The following NALCN variants were observed in gnomAD, a reference collection of about 807,000 sequenced individuals.
NALCN encodes sodium leak channel NALCN.
NALCN carries 111 observed loss-of-function variants against 225.3 expected under a neutral mutation model. The observed-to-expected ratio is 0.49, with a 90% confidence interval of 0.42 to 0.58. The LOEUF is 0.58. NALCN is among the 20% of genes least tolerant of loss of function. The pLI is 0.00. For synonymous variants in NALCN, 764 were observed against 769.0 expected (o/e 0.99, Z 0.11); for missense variants, 1,378 against 2,202.4 (o/e 0.63, Z 7.49).
At chr13:101,350,667 T>C (rs928045580) in intron 6 of NALCN, among the ~76,000 whole-genome samples, 6 of 152,212 alleles carry the variant, frequency 3.9e-5, no homozygotes, top group African/African-American at 1.4e-4. Context: ...TGCCTGGCTG[T>C]TTGGTTGAAC....
intron 22 of NALCN, 46 bp downstream of exon 22, chr13:101,107,441 T>A (rs771366001): frequency 6.2e-7 from 1 of 1,612,520 alleles, no homozygotes; most frequent in Non-Finnish European, 8.5e-7. Flanking sequence ...CCCCTGCTGT[T>A]TGCATGGCTC....
intron 1 of NALCN, among the ~76,000 whole-genome samples, chr13:101,400,810 T>C (rs78386136): frequency 0.025 from 3,846 of 151,980 alleles, 73 homozygotes; most frequent in South Asian, 0.053. Context: ...ATCCCCACAA[T>C]CCCCACGTGT....
rs1243266764 is a variant in NALCN, at chr13:101,237,868, C to T, written c.1321G>A (p.Gly441Arg). Reference protein sequence around the residue: ...LEALLKIWCLGFTGYISSSLH... With the variant: ...LEALLKIWCLRFTGYISSSLH... ...GATGAGCTAATATATCCAGTAAATC[C>T]CAAACACCATATCTTCAGAAGTGCT... The change falls in exon 12 of 44, where the codon GGA (glycine) becomes AGA (arginine). Residue 441 changes from glycine (G) to arginine (R), a missense_variant. Gly to Arg is a moderately radical substitution (Grantham distance 125). Coordinates refer to ENST00000251127, the MANE Select transcript of NALCN (RefSeq NM_052867.4). 2 of 1,602,078 alleles carry T rather than the reference C, an allele frequency of 1.2e-6. No homozygotes were observed. The highest frequency in any genetic ancestry group is 1.7e-5 in the Admixed American group (1 of 58,144).
chr13:101,157,942 A>T (rs1356001952), intron 15 of NALCN, among the ~76,000 whole-genome samples: 1 of 151,946 alleles, frequency 6.6e-6, no homozygotes, highest in Non-Finnish European at 1.5e-5. Flanking sequence ...TAGTAGAGAC[A>T]GGGTTTCACC....
At chr13:101,230,676 C>A (rs1017871245) in intron 12 of NALCN, among the ~76,000 whole-genome samples, 11 of 152,158 alleles carry the variant, frequency 7.2e-5, no homozygotes, top group Non-Finnish European at 8.8e-5. Context: ...AGGTCCTGTC[C>A]AACCCGACAG....
intron 34 of NALCN, among the ~76,000 whole-genome samples, chr13:101,080,513 TTACA>T (rs1315785587): frequency 6.8e-6 from 1 of 146,898 alleles, no homozygotes; most frequent in African/African-American, 2.5e-5. Flanking sequence ...ATAAGTATAA[TTACA>T]TACATAATAG....
chr13:101,107,989 A>G (rs1217544797), intron 20 of NALCN, among the ~76,000 whole-genome samples, 200 bp from the exon 21 acceptor site: 1 of 148,632 alleles, frequency 6.7e-6, no homozygotes, highest in Non-Finnish European at 1.5e-5. Context: ...AAATGTATAT[A>G]TTTACAACAA....
chr13:101,373,125 C>A, intron 6 of NALCN: 2 of 372,606 alleles, frequency 5.4e-6, no homozygotes, highest in Non-Finnish European at 1.1e-5. Context: ...ACCAACTTAA[C>A]AGAACAAGAA....
chr13:101,340,129 A>G (rs1480467728), intron 7 of NALCN, among the ~76,000 whole-genome samples: 2 of 152,072 alleles, frequency 1.3e-5, no homozygotes, highest in Non-Finnish European at 2.9e-5. Flanking sequence ...TTAGCCAGGC[A>G]TGGTGATGGG....
At chr13:101,137,753 A>G (rs935094004) in intron 17 of NALCN, among the ~76,000 whole-genome samples, 7 of 152,190 alleles carry the variant, frequency 4.6e-5, no homozygotes, top group African/African-American at 1.4e-4. Flanking sequence ...CTTTTGTCCT[A>G]ACTGATGAAT....
At chr13:101,240,679 GAA>G (rs745656903) in intron 11 of NALCN, among the ~76,000 whole-genome samples, 2 of 152,046 alleles carry the variant, frequency 1.3e-5, no homozygotes, top group Non-Finnish European at 2.9e-5. Flanking sequence ...TGTTTTCAAT[GAA>G]AGTTTCTTCA....
intron 13 of NALCN, among the ~76,000 whole-genome samples, chr13:101,199,961 A>G (rs1207831734): frequency 1.3e-5 from 2 of 152,028 alleles, no homozygotes; most frequent in African/African-American, 4.8e-5. Context: ...GTTTCTCTTC[A>G]ATTTCCTAAT....
chr13:101,177,111 C>T (rs946786581), intron 14 of NALCN, among the ~76,000 whole-genome samples: 2 of 152,148 alleles, frequency 1.3e-5, no homozygotes, highest in African/African-American at 4.8e-5. Context: ...GGAACTGAGG[C>T]CTCCTGCCAA....
intron 9 of NALCN, among the ~76,000 whole-genome samples, chr13:101,284,298 A>C (rs560842434): frequency 6.6e-6 from 1 of 152,352 alleles, no homozygotes; most frequent in East Asian, 1.9e-4. Context: ...ATTCTTCTCC[A>C]CAAGAGAAAT....
chr13:101,211,292 C>T (rs542175220), intron 13 of NALCN, among the ~76,000 whole-genome samples: 83 of 152,068 alleles, frequency 5.5e-4, no homozygotes, highest in African/African-American at 1.9e-3. Flanking sequence ...TGAAAAACTA[C>T]CAAAATAAGA....
upstream of NALCN, among the ~76,000 whole-genome samples, chr13:101,417,127 G>A (rs942785083): frequency 6.6e-6 from 1 of 152,158 alleles, no homozygotes; most frequent in Non-Finnish European, 1.5e-5. Flanking sequence ...CTGGACAGCA[G>A]ACTGCATCTG....
At chr13:101,345,466 A>T in intron 6 of NALCN, 46 bp from the exon 7 acceptor site, 1 of 1,584,042 alleles carries the variant, frequency 6.3e-7, no homozygotes, top group Non-Finnish European at 8.6e-7. Context: ...ACAATCATAA[A>T]TGTTGATTAC....
At chr13:101,112,812 G>T (rs1310279605) in intron 18 of NALCN, among the ~76,000 whole-genome samples, 1 of 152,168 alleles carries the variant, frequency 6.6e-6, no homozygotes, top group Non-Finnish European at 1.5e-5. Flanking sequence ...TTGAGAAAAA[G>T]ATTTGTATGT....
rs2038785798 is a variant in NALCN at position 101,172,712 on chromosome 13, A to C, written c.1839+3588T>G. Among the ~76,000 whole-genome samples, 6 of 151,634 alleles carry C rather than the reference A, an allele frequency of 4.0e-5. No individual in the cohort carries two copies. The South Asian group carries it at 1.3e-3, about 32-fold the overall frequency. ...GTAGCTGGGACTACAGGTGCCCGCC[A>C]CCACGCGCAGCTAATTTTTTTGTTT... On this transcript the variant is annotated intron_variant, in intron 15 of 43. Transcript: ENST00000251127.
Sources: allele counts gnomAD v4.1 joint callset (sites outside exome capture counted in the v4.1 genomes callset), GRCh38; gene constraint gnomAD v4.1.1; transcripts MANE v1.5; gene names NCBI Gene and HGNC (gene_info 2026-07-23, HGNC 2026-07-21).